The following FER variants were observed in gnomAD, a reference collection of about 807,000 sequenced individuals.
FER encodes FER tyrosine kinase, also known as tyrosine-protein kinase Fer.
FER carries 63 observed loss-of-function variants against 111.0 expected under a neutral mutation model. The observed-to-expected ratio is 0.57, with a 90% CI of 0.46 to 0.70. The LOEUF is 0.70. Ranked by LOEUF, FER falls within the 30% of genes least tolerant of loss-of-function variation. The probability of loss-of-function intolerance (pLI) is 0.00; values close to 1 mark genes in which losing one functional copy is unlikely to be tolerated. For synonymous variants in FER, 327 were observed against 313.9 expected (o/e 1.04, Z -0.44); for missense variants, 914 against 954.0 (o/e 0.96, Z 0.55).
At chr5:108,864,243 T>G (rs1390970774) in intron 5 of FER, among the ~76,000 whole-genome samples, 1 of 152,194 alleles carries the variant, frequency 6.6e-6, no homozygotes, top group Non-Finnish European at 1.5e-5. Context: ...CTAGAATTTA[T>G]TGATAGTAGA....
chr5:108,969,876 G>T (rs1272764311), intron 13 of FER, among the ~76,000 whole-genome samples: 1 of 148,072 alleles, frequency 6.8e-6, no homozygotes, highest in Admixed American at 6.6e-5. Context: ...TATATTCCAG[G>T]ATATTAATTA....
At chr5:109,164,220 T>C (rs776392210) in intron 17 of FER, among the ~76,000 whole-genome samples, 1 of 152,192 alleles carries the variant, frequency 6.6e-6, no homozygotes, top group Non-Finnish European at 1.5e-5. Context: ...TTCCCCAAAA[T>C]GACATCAGTG....
At chr5:108,916,048 CCT>C (rs143775150) in intron 10 of FER, among the ~76,000 whole-genome samples, 11 of 152,190 alleles carry the variant, frequency 7.2e-5, no homozygotes, top group African/African-American at 2.6e-4. Flanking sequence ...GTGAACTTTT[CCT>C]CTGTTTCTTT....
At position 109,190,057 on chromosome 5, in the gene FER, A is replaced by G. The variant is rs1028808533; in HGVS notation, c.*2482A>G. On this transcript the variant is annotated 3_prime_UTR_variant, in exon 20 of 20. Transcript: ENST00000281092. ...TATTAAATTTAATATAGTCACATGC[A>G]TTAAGAAAAACTTACGCAAACAGTT... 1 of 152,202 alleles carries G rather than the reference A, an allele frequency of 6.6e-6. No homozygotes were observed. The allele number at this position is 152,202 out of a possible 1,614,324, so 9.4% of individuals were successfully genotyped here.
chr5:108,988,552 G>A (rs1323538671), intron 13 of FER, among the ~76,000 whole-genome samples: 1 of 151,942 alleles, frequency 6.6e-6, no homozygotes, highest in Non-Finnish European at 1.5e-5. Flanking sequence ...TTTTCTCTAG[G>A]TTTTCTAATT....
chr5:108,980,156 T>G (rs1337965067), intron 13 of FER, among the ~76,000 whole-genome samples: 1 of 152,082 alleles, frequency 6.6e-6, no homozygotes, highest in African/African-American at 2.4e-5. Flanking sequence ...AAATCAAATT[T>G]TTTTCTTTCT....
At chr5:108,903,271 T>C (rs1166560608) in intron 10 of FER, among the ~76,000 whole-genome samples, 1 of 152,254 alleles carries the variant, frequency 6.6e-6, no homozygotes, top group Non-Finnish European at 1.5e-5. Context: ...TAGATTTTTC[T>C]TCTCTGCACA....
chr5:109,089,173 T>C (rs1777887102), intron 16 of FER, among the ~76,000 whole-genome samples: 1 of 152,182 alleles, frequency 6.6e-6, no homozygotes, highest in Non-Finnish European at 1.5e-5. Flanking sequence ...TATGTATTTG[T>C]CTATAAATGT....
At chr5:109,071,894 A>T (rs1775807834) in intron 16 of FER, among the ~76,000 whole-genome samples, 2 of 151,874 alleles carry the variant, frequency 1.3e-5, no homozygotes, top group Admixed American at 1.3e-4. Flanking sequence ...ATGTTTATAT[A>T]GTTCTATCGT....
Position 108,871,556 on chromosome 5 carries a change from A to G in FER, c.803+54A>G. ...TTTATGACAGTATTATTTTTCATTC[A>G]TACAATAGTTAACCACAGATAAAAA... On this transcript the variant is annotated intron_variant, in intron 7 of 19. Transcript: ENST00000281092. 3 of 1,344,740 alleles carry G rather than the reference A, an allele frequency of 2.2e-6. 1 individual carries two copies. In the South Asian group the frequency reaches 4.8e-5, roughly 21 times the overall value. 83.3% of individuals were successfully genotyped at this position (1,344,740 alleles called of 1,614,324 possible).
chr5:108,969,653 A>T (rs1760371534), intron 13 of FER, among the ~76,000 whole-genome samples: 1 of 138,748 alleles, frequency 7.2e-6, no homozygotes, highest in Non-Finnish European at 1.5e-5. Context: ...AAAAGGTAAG[A>T]TTAAGAAATA....
chr5:108,916,535 A>G (rs1752292534), intron 10 of FER, among the ~76,000 whole-genome samples: 1 of 152,140 alleles, frequency 6.6e-6, no homozygotes, highest in South Asian at 2.1e-4. Context: ...CTTGCGTTAT[A>G]TATATAGTTA....
intron 13 of FER, among the ~76,000 whole-genome samples, chr5:109,007,886 A>C (rs555972019): frequency 6.6e-6 from 1 of 152,308 alleles, no homozygotes; most frequent in Admixed American, 6.5e-5. Context: ...ACTGCGTGAG[A>C]ATTCCAGTGA....
intron 17 of FER, among the ~76,000 whole-genome samples, chr5:109,109,661 T>C (rs1333624155): frequency 6.6e-6 from 1 of 152,136 alleles, no homozygotes; most frequent in Non-Finnish European, 1.5e-5. Flanking sequence ...GGACCACAAC[T>C]TAAGAAGAAA....
intron 1 of FER, among the ~76,000 whole-genome samples, chr5:108,749,458 C>T (rs897067061): frequency 2.0e-5 from 3 of 152,012 alleles, no homozygotes; most frequent in Non-Finnish European, 4.4e-5. Context: ...GTACCCTCAC[C>T]CCTTTTCTCG....
chr5:109,186,135 A>G (rs1758839973), intron 18 of FER, 65 bp from the exon 19 acceptor site: 1 of 1,610,012 alleles, frequency 6.2e-7, no homozygotes, highest in Admixed American at 1.7e-5. Flanking sequence ...GACATACATA[A>G]CCAGGAAGGG....
intron 3 of FER, among the ~76,000 whole-genome samples, chr5:108,800,379 C>A (rs1162819926): frequency 1.3e-5 from 2 of 151,560 alleles, no homozygotes; most frequent in African/African-American, 4.9e-5. Context: ...TCTTTAGGAT[C>A]TTGCTCTGGC....
At chr5:108,777,381 C>T (rs1481652893) in intron 2 of FER, among the ~76,000 whole-genome samples, 1 of 152,192 alleles carries the variant, frequency 6.6e-6, no homozygotes, top group Admixed American at 6.5e-5. Context: ...CAATATTTCT[C>T]ACCAGAGTGG....
rs184738248 is a variant in FER at position 109,074,647 on chromosome 5, C to T, written c.1925-25749C>T. ...ACAGCTCAAAGTAAATTAAAGAGGG[C>T]GGTCAGGAAACCTGATTTCATAAAA... On this transcript the variant is annotated intron_variant, in intron 16 of 19. Coordinates refer to ENST00000281092, the MANE Select transcript of FER (RefSeq NM_005246.4). Among the ~76,000 whole-genome samples the T allele has an allele frequency of 9.2e-5, 14 of 152,234 alleles. 1 individual carries two copies. In the East Asian group the frequency reaches 1.2e-3, roughly 13 times the overall value.
Sources: allele counts gnomAD v4.1 joint callset (sites outside exome capture counted in the v4.1 genomes callset), GRCh38; gene constraint gnomAD v4.1.1; transcripts MANE v1.5; gene names NCBI Gene and HGNC (gene_info 2026-07-23, HGNC 2026-07-21).